PLEKHG4B: variants seen among roughly 807,000 people sequenced by gnomAD.
PLEKHG4B encodes the protein pleckstrin homology domain-containing family G member 4B.
Under a neutral mutation model 121.3 loss-of-function variants are expected in PLEKHG4B, and 111 were observed. The ratio of observed to expected loss-of-function variants is 0.92; its 90% confidence interval spans 0.78 to 1.07. PLEKHG4B has a LOEUF of 1.07. PLEKHG4B is among the 50% of genes least tolerant of loss of function. PLEKHG4B has a pLI of 0.00. For synonymous variants in PLEKHG4B, 738 were observed against 725.0 expected (o/e 1.02, Z -0.29); for missense variants, 1,831 against 1,757.8 (o/e 1.04, Z -0.74).
In PLEKHG4B at chr5:113,499, G is replaced by C. The variant is rs72710826; in HGVS notation, c.243+51G>C. 27,661 of 398,904 alleles carry C rather than the reference G, an allele frequency of 0.069. 1,260 individuals are homozygous for C. Among genetic ancestry groups the C allele is most frequent in the Non-Finnish European group, 0.087 (19,572 of 226,076 alleles). 24.7% of individuals were successfully genotyped at this position (398,904 alleles called of 1,614,324 possible). On this transcript the variant is annotated intron_variant, in intron 2 of 19. Transcript: ENST00000637938. This position sits in a 1 kb window ranked among gnomAD's most constrained non-coding sequence, Gnocchi z 5.2. ...GACCGTGGCCAACCTGGAGGAACCTGCCCTTTCCCTGGGCAGGGCAGGAAT... is the reference window on the plus strand; with the variant it reads ...GACCGTGGCCAACCTGGAGGAACCTCCCCTTTCCCTGGGCAGGGCAGGAAT...
Position 113,624 on chromosome 5 carries a change from A to G in PLEKHG4B, c.243+176A>G, listed in dbSNP as rs941857451. Among the ~76,000 whole-genome samples, 1 of 152,222 alleles carries G rather than the reference A, an allele frequency of 6.6e-6. No homozygotes were observed. Among genetic ancestry groups the G allele is most frequent in the Admixed American group, 6.5e-5 (1 of 15,280 alleles). ...TCAAACAAGGCTGCATGTCCCAGCA[A>G]CAAGGGTTTCTCAGGCTTCCCAGGA... On this transcript the variant is annotated intron_variant, in intron 2 of 19. Coordinates refer to ENST00000637938, the MANE Select transcript of PLEKHG4B (RefSeq NM_052909.5). The surrounding 1 kb of genome is among the most constrained non-coding windows in gnomAD (Gnocchi z 5.2).
intron 2 of PLEKHG4B, among the ~76,000 whole-genome samples, chr5:126,388 A>T (rs547187609): frequency 1.3e-5 from 2 of 152,226 alleles, no homozygotes; most frequent in South Asian, 4.1e-4. Flanking sequence ...GATTTTTAAT[A>T]TCTTTGTTGA....
At position 132,451 on chromosome 5, in the gene PLEKHG4B, C is replaced by A. The variant is rs541490876; in HGVS notation, c.244-7032C>A. The stretch of plus-strand genomic sequence containing the variant: ...TTGCATTTGCTTTTGGGTTCTTGGT[C>A]ATGAAGTTTTTGCCTAAGCCAATGT... On this transcript the variant is annotated intron_variant, in intron 2 of 19. Transcript: ENST00000637938. 3.3e-5 allele frequency among the ~76,000 whole-genome samples: 5 copies of A among 152,228 alleles called. No individual in the cohort carries two copies. The South Asian group carries it at 1.0e-3, about 32-fold the overall frequency.
chr5:164,702 GCT>G (rs1736211427), intron 13 of PLEKHG4B, among the ~76,000 whole-genome samples: 3 of 44,252 alleles, frequency 6.8e-5, no homozygotes, highest in Admixed American at 1.9e-4. Flanking sequence ...TCACACTAAT[GCT>G]CTGACGGGGC....
chr5:121,767 A>T (rs534005035), intron 2 of PLEKHG4B, among the ~76,000 whole-genome samples: 1 of 152,252 alleles, frequency 6.6e-6, no homozygotes, highest in African/African-American at 2.4e-5. Context: ...TCCAGCAAAA[A>T]TATCTTTCAA....
chr5:180,700 C>A (rs1038542764), intron 18 of PLEKHG4B, among the ~76,000 whole-genome samples: 1 of 152,228 alleles, frequency 6.6e-6, no homozygotes, highest in Non-Finnish European at 1.5e-5. Context: ...CCCGCGTCCA[C>A]GTGCACAGCT....
intron 1 of PLEKHG4B, among the ~76,000 whole-genome samples, chr5:110,744 A>G (rs968532766): frequency 3.9e-5 from 6 of 152,306 alleles, no homozygotes; most frequent in African/African-American, 1.4e-4. Flanking sequence ...CCACTCTGCA[A>G]CAAACGTGCA....
chr5:144,860 G>A lies in PLEKHG4B; in HGVS notation c.1845G>A (p.Leu615=), dbSNP rs1420907183. 5 of 1,613,410 alleles carry A rather than the reference G, an allele frequency of 3.1e-6. No homozygotes were observed. The highest frequency in any genetic ancestry group is 4.2e-6 in the Non-Finnish European group (5 of 1,179,962). Residue 615 remains leucine (L), a synonymous_variant, in exon 6 of 20, where the codon CTG becomes CTA. Coordinates refer to ENST00000637938, the MANE Select transcript of PLEKHG4B (RefSeq NM_052909.5). ...TCCGGGACCTGGGGCTGGTTGTCCT[G>A]GTGGATGCACGCAGGAGTCCAGCTG... ...KEVRDLGLVV[L]VDARRSPAAP...
intron 3 of PLEKHG4B, among the ~76,000 whole-genome samples, chr5:142,624 ACACACAAT>A (rs1735253205): frequency 1.3e-5 from 2 of 151,170 alleles, no homozygotes; most frequent in African/African-American, 4.9e-5. Context: ...CACATACCAC[ACACACAAT>A]CACACAAACA....
At chr5:135,673 AAAAAAAAAAATATAT>A (rs1288855669) in intron 2 of PLEKHG4B, among the ~76,000 whole-genome samples, 3 of 64,212 alleles carry the variant, frequency 4.7e-5, no homozygotes, top group Non-Finnish European at 8.7e-5. Context: ...CTCAAAAAAA[AAAAAAAAAAATATAT>A]ATATATATAT....
intron 11 of PLEKHG4B, among the ~76,000 whole-genome samples, chr5:160,275 C>G (rs1735949992): frequency 1.3e-5 from 2 of 152,242 alleles, no homozygotes; most frequent in Admixed American, 6.5e-5. Flanking sequence ...CCCCTCTCTG[C>G]TGTTAGAAAC....
chr5:155,036 A>T lies in PLEKHG4B; in HGVS notation c.2109+45A>T, dbSNP rs79212384. The T allele has an allele frequency of 6.4e-4, 942 of 1,481,414 alleles. 6 individuals are homozygous for T. In the East Asian group the frequency reaches 0.015, roughly 24 times the overall value. The allele number at this position is 1,481,414 out of a possible 1,614,324, so 91.8% of individuals were successfully genotyped here. A position where few individuals can be genotyped will look rare whatever the true frequency, so the allele number is the denominator to read the frequency against. On this transcript the variant is annotated intron_variant, in intron 8 of 19. Transcript: ENST00000637938. ...GCTGCACATGCGACAGTCTCTGGGG[A>T]CTTTCTGTTATGTGGTTGTTTTTAC...
Position 143,387 on chromosome 5 carries a change from A to G in PLEKHG4B, c.1695A>G (p.Arg565=). 6.2e-7 allele frequency: 1 copy of G among 1,612,476 alleles called. No homozygotes were observed. The highest frequency in any genetic ancestry group is 1.3e-5 in the African/African-American group (1 of 75,040). ...QSGVVTLPGT[R]DRHGRAVVQV... is the part of the protein sequence containing the mutation. ...CTGTCTCTGTCTCCGCAGGGACCCG[A>G]GACCGTCATGGCAGAGCAGTGGTGC... The change falls in exon 5 of 20, where the codon CGA becomes CGG. Residue 565 remains arginine (R), a synonymous_variant. Transcript: ENST00000637938.
chr5:101,027 GAA>G (rs1259809138), intron 1 of PLEKHG4B, among the ~76,000 whole-genome samples: 1 of 72,874 alleles, frequency 1.4e-5, no homozygotes, highest in Non-Finnish European at 2.4e-5. Flanking sequence ...TAAAGCCCTG[GAA>G]AAAGTCTGTA....
intron 2 of PLEKHG4B, among the ~76,000 whole-genome samples, chr5:129,156 C>G (rs1369714376): frequency 6.6e-6 from 1 of 152,184 alleles, no homozygotes; most frequent in Non-Finnish European, 1.5e-5. Context: ...TAGAGAATCT[C>G]CTTCCCTTTC....
intron 7 of PLEKHG4B, 70 bp from the exon 8 acceptor site, chr5:154,805 A>G (rs1262059141): frequency 1.7e-6 from 2 of 1,180,718 alleles, no homozygotes; most frequent in Non-Finnish European, 2.5e-6. Context: ...CCCAGGAATG[A>G]GCCATTTACA....
At chr5:112,444 C>T (rs1046181886) in intron 1 of PLEKHG4B, among the ~76,000 whole-genome samples, 18 of 152,260 alleles carry the variant, frequency 1.2e-4, no homozygotes, top group Non-Finnish European at 2.9e-5. Flanking sequence ...TTTTTAGCTT[C>T]TTTGGCTTTC....
chr5:140,152 T>TG lies in PLEKHG4B; in HGVS notation c.914dup (p.Cys305TrpfsTer45), dbSNP rs1735110939. ...GGGCCCACGGATGCCCCCTGAGAAC[T>TG]GTGGGGGGTCGGGGGAGAGGCCGGA... On this transcript the variant is annotated frameshift_variant, in exon 3 of 20. Transcript: ENST00000637938. LOFTEE classifies it high-confidence loss of function. 1.4e-6 allele frequency: 1 copy of TG among 727,644 alleles called. No homozygotes were observed. The highest frequency in any genetic ancestry group is 2.2e-6 in the Non-Finnish European group (1 of 460,990). 45.1% of individuals were successfully genotyped at this position (727,644 alleles called of 1,614,324 possible). A position where few individuals can be genotyped will look rare whatever the true frequency, so the allele number is the denominator to read the frequency against.
At position 164,584 on chromosome 5, in the gene PLEKHG4B, G is replaced by GTAATGCTCTGACGGGGCGGAGCTCACAC. The variant is rs1736194161; in HGVS notation, c.3476+1043_3476+1044insCTGACGGGGCGGAGCTCACACTAATGCT. ...TCTGACAGGGGGCGGAGCTCACACA[G>GTAATGCTCTGACGGGGCGGAGCTCACAC]TAATGCTGTGACGGAGCGGAGCTCA... On this transcript the variant is annotated intron_variant, in intron 13 of 19. Coordinates refer to ENST00000637938, the MANE Select transcript of PLEKHG4B (RefSeq NM_052909.5). Among the ~76,000 whole-genome samples, 2 of 90,928 alleles carry GTAATGCTCTGACGGGGCGGAGCTCACAC rather than the reference G, an allele frequency of 2.2e-5. 1 individual carries two copies. Among genetic ancestry groups the GTAATGCTCTGACGGGGCGGAGCTCACAC allele is most frequent in the African/African-American group, 1.1e-4 (2 of 17,538 alleles). 59.7% of individuals were successfully genotyped at this position (90,928 alleles called of 152,430 possible). A position where few individuals can be genotyped will look rare whatever the true frequency, so the allele number is the denominator to read the frequency against.
Sources: allele counts gnomAD v4.1 joint callset (sites outside exome capture counted in the v4.1 genomes callset), GRCh38; gene constraint gnomAD v4.1.1; non-coding constraint Gnocchi (gnomAD v3.1); transcripts MANE v1.5; gene names NCBI Gene and HGNC (gene_info 2026-07-23, HGNC 2026-07-21).